The following CRB2 variants were observed in gnomAD, a reference collection of about 807,000 sequenced individuals.
CRB2 encodes the protein protein crumbs homolog 2.
In CRB2, 85 loss-of-function variants were observed where a neutral mutation model predicts 110.9. The observed-to-expected ratio is 0.77, with a 90% CI of 0.64 to 0.92. CRB2 has a LOEUF of 0.92. Among genes scored for constraint, CRB2 ranks in the 40% least tolerant of loss-of-function variants. The pLI, the probability that CRB2 is intolerant of heterozygous loss-of-function variation, is 0.00. For missense variants in CRB2, 1,843 were observed against 1,851.3 expected (o/e 1.00, Z 0.08); for synonymous variants, 907 against 831.0 (o/e 1.09, Z -1.57).
rs550133416 is a variant in CRB2 at position 123,366,439 on chromosome 9, G to T, written c.754+73G>T. The T allele has an allele frequency of 5.8e-4, 849 of 1,463,856 alleles. 3 individuals are homozygous for T. Among genetic ancestry groups the T allele is most frequent in the Non-Finnish European group, 6.1e-4 (687 of 1,122,642 alleles). 90.7% of individuals were successfully genotyped at this position (1,463,856 alleles called of 1,614,324 possible). On this transcript the variant is annotated intron_variant, in intron 4 of 12. Coordinates refer to ENST00000373631, the MANE Select transcript of CRB2 (RefSeq NM_173689.7). ...CGCCTGTGCGGCCTGGGGCGGTGGGGCAGGTGTGTGGCTGCACGCGAGTGC... is the reference window on the plus strand; with the variant it reads ...CGCCTGTGCGGCCTGGGGCGGTGGGTCAGGTGTGTGGCTGCACGCGAGTGC...
At chr9:123,367,379 G>T in intron 5 of CRB2, 22 bp downstream of exon 5, 2 of 1,591,332 alleles carry the variant, frequency 1.3e-6, no homozygotes, top group Non-Finnish European at 1.7e-6. Context: ...CTGGGGAAGC[G>T]GTCAGCCCAT....
intron 9 of CRB2, 128 bp downstream of exon 9, chr9:123,372,470 CG>C (rs2042031163): frequency 4.2e-6 from 5 of 1,198,118 alleles, no homozygotes; most frequent in Non-Finnish European, 5.7e-6. Context: ...GGCAGTGTGG[CG>C]GGGCCACCGC....
rs1588214825 is a variant in CRB2 at position 123,371,219 on chromosome 9, G to A, written c.2077G>A (p.Ala693Thr). ...GTTGCTCCAGTTTGCCAATGACTCC[G>A]CAGCTGGCCTAACAGTATTCCTGAG... ...GLLLQFANDS[A>T]AGLTVFLSEG... is the part of the protein sequence containing the mutation. The change falls in exon 8 of 13, where the codon GCA becomes ACA. Residue 693 changes from alanine to threonine, a missense_variant. Physicochemically the swap from Ala to Thr is moderately conservative, Grantham distance 58. Coordinates refer to ENST00000373631, the MANE Select transcript of CRB2 (RefSeq NM_173689.7). 5.6e-6 allele frequency: 9 copies of A among 1,613,928 alleles called. No individual in the cohort carries two copies. The highest frequency in any genetic ancestry group is 6.8e-6 in the Non-Finnish European group (8 of 1,180,026).
chr9:123,355,545 G>A (rs2041787333), upstream of CRB2, among the ~76,000 whole-genome samples: 1 of 147,120 alleles, frequency 6.8e-6, no homozygotes, highest in South Asian at 2.3e-4. Flanking sequence ...TCCTGAGGCC[G>A]ATGGTGGGAG....
upstream of CRB2, among the ~76,000 whole-genome samples, chr9:123,355,733 G>A (rs1479775377): frequency 2.7e-5 from 4 of 150,374 alleles, no homozygotes; most frequent in Admixed American, 6.6e-5. Flanking sequence ...GCAGGTGGGG[G>A]GACGAGCTGG....
chr9:123,372,049 T>C (rs2042024375), intron 8 of CRB2, 128 bp from the exon 9 acceptor site: 1 of 935,002 alleles, frequency 1.1e-6, no homozygotes, highest in Admixed American at 2.5e-5. Context: ...AGCGACTTCC[T>C]CTCCCCTCGT....
At chr9:123,374,853 C>T (rs551917939) in intron 11 of CRB2, among the ~76,000 whole-genome samples, 158 bp downstream of exon 11, 19 of 152,360 alleles carry the variant, frequency 1.2e-4, no homozygotes, top group Admixed American at 9.8e-4. Context: ...CTCGCAAGAC[C>T]ATCCTCTGTG....
chr9:123,370,264 C>T lies in CRB2; in HGVS notation c.1211C>T (p.Thr404Ile), dbSNP rs2041994442. 8.1e-6 allele frequency: 13 copies of T among 1,613,336 alleles called. No individual in the cohort carries two copies. The highest frequency in any genetic ancestry group is 1.1e-5 in the Non-Finnish European group (13 of 1,180,008). ...SVQLTGCQGH[T>I]CPLAATCIPI... Reference sequence around the variant, plus strand: ...CAGCTCACTGGCTGCCAGGGCCACACCTGCCCGCTGGCTGCCACCTGCATC... The same window carrying T: ...CAGCTCACTGGCTGCCAGGGCCACATCTGCCCGCTGGCTGCCACCTGCATC... Residue 404 changes from threonine (T) to isoleucine (I), a missense_variant, in exon 7 of 13, where the codon ACC becomes ATC. Thr to Ile is a moderately conservative substitution (Grantham distance 89). Transcript: ENST00000373631.
intron 12 of CRB2, among the ~76,000 whole-genome samples, chr9:123,376,500 GC>G (rs539364976): frequency 3.5e-4 from 53 of 152,316 alleles, no homozygotes; most frequent in African/African-American, 1.2e-3. Flanking sequence ...CGCTCAGCCT[GC>G]CCCTGCTCCT....
rs767355361 is a variant in CRB2, at chr9:123,377,052, G to C, written c.3848G>C (p.Arg1283Thr). 1 of 1,579,586 alleles carries C rather than the reference G, an allele frequency of 6.3e-7. No homozygotes were observed. Among genetic ancestry groups the C allele is most frequent in the South Asian group, 1.2e-5 (1 of 85,422 alleles). Reference sequence around the variant, plus strand: ...GTCCTCAAGGTGCCACCGGAGGAGAGACTCATCTAGGCCAGCCTGGCTGCT... The same window carrying C: ...GTCCTCAAGGTGCCACCGGAGGAGACACTCATCTAGGCCAGCCTGGCTGCT... ...DSVLKVPPEE[R>T]LI The change falls in exon 13 of 13, where the codon AGA becomes ACA. Residue 1283 changes from arginine to threonine, a missense_variant. Transcript: ENST00000373631.
intron 1 of CRB2, among the ~76,000 whole-genome samples, chr9:123,357,078 G>T (rs1437231416): frequency 6.6e-6 from 1 of 152,090 alleles, no homozygotes; most frequent in African/African-American, 2.4e-5. Context: ...GGCTGCTGGG[G>T]ATGCTCTGGG....
Position 123,361,132 on chromosome 9 carries a change from C to CGGGGG in CRB2, c.95-1729_95-1728insGGGGG, listed in dbSNP as rs201939429. ...GGGGCAAAGCTTCAGATTGGATGGG[C>CGGGGG]GGGGAGGGGGGGGGGTTCCTTGCAC... On this transcript the variant is annotated intron_variant, in intron 1 of 12. Coordinates refer to ENST00000373631, the MANE Select transcript of CRB2 (RefSeq NM_173689.7). Among the ~76,000 whole-genome samples, 29 of 65,930 alleles carry CGGGGG rather than the reference C, an allele frequency of 4.4e-4. 2 individuals are homozygous for CGGGGG. Among genetic ancestry groups the CGGGGG allele is most frequent in the African/African-American group, 8.9e-4 (20 of 22,570 alleles). 43.3% of individuals were successfully genotyped at this position (65,930 alleles called of 152,430 possible).
chr9:123,368,379 C>T (rs959504314), intron 6 of CRB2, among the ~76,000 whole-genome samples: 8 of 152,196 alleles, frequency 5.3e-5, no homozygotes, highest in African/African-American at 1.7e-4. Context: ...CCTGGGGGTC[C>T]CGAAGGCCCA....
In CRB2 at chr9:123,356,266, G is replaced by A. The variant is rs952304207; in HGVS notation, c.6G>A (p.Ala2=). 33 of 1,520,164 alleles carry A rather than the reference G, an allele frequency of 2.2e-5. No individual in the cohort carries two copies. Among genetic ancestry groups the A allele is most frequent in the East Asian group, 5.0e-5 (2 of 40,112 alleles). 94.2% of individuals were successfully genotyped at this position (1,520,164 alleles called of 1,614,324 possible). A position where few individuals can be genotyped will look rare whatever the true frequency, so the allele number is the denominator to read the frequency against. The change falls in exon 1 of 13, where the codon GCG becomes GCA. Residue 2 remains alanine, a synonymous_variant. Coordinates refer to ENST00000373631, the MANE Select transcript of CRB2 (RefSeq NM_173689.7). M[A]LARPGTPDPQ... ...AGAGCGCAGAGCGGGCTGCCATGGC[G>A]CTGGCCAGGCCTGGGACCCCGGACC...
rs1051989903 is a variant in CRB2, at chr9:123,373,405, C to T, written c.2874C>T (p.Arg958=). ...GCGTGGCCGATGGTGCCTGGCACCGCGTGCGTCTGGCCATGGAGCGCCCGG... is the reference window on the plus strand; with the variant it reads ...GCGTGGCCGATGGTGCCTGGCACCGTGTGCGTCTGGCCATGGAGCGCCCGG... ...GPRVADGAWH[R]VRLAMERPAA... Residue 958 remains arginine, a synonymous_variant, in exon 10 of 13, where the codon CGC becomes CGT. Coordinates refer to ENST00000373631, the MANE Select transcript of CRB2 (RefSeq NM_173689.7). 4 of 1,443,120 alleles carry T rather than the reference C, an allele frequency of 2.8e-6. No individual in the cohort carries two copies. Among genetic ancestry groups the T allele is most frequent in the Non-Finnish European group, 2.7e-6 (3 of 1,103,524 alleles). 89.4% of individuals were successfully genotyped at this position (1,443,120 alleles called of 1,614,324 possible).
downstream of CRB2, among the ~76,000 whole-genome samples, chr9:123,378,978 G>A (rs989496098): frequency 6.6e-6 from 1 of 151,162 alleles, no homozygotes. Flanking sequence ...TAGTAGAGAC[G>A]GGGCTTCACC....
At chr9:123,366,186 G>A in intron 3 of CRB2, 41 bp from the exon 4 acceptor site, 1 of 1,384,364 alleles carries the variant, frequency 7.2e-7, no homozygotes, top group Non-Finnish European at 9.3e-7. Flanking sequence ...GGGGCAGAAG[G>A]GGCAGGCGCG....
At chr9:123,355,171 G>C (rs550934954), upstream of CRB2, among the ~76,000 whole-genome samples, 3 of 152,340 alleles carry the variant, frequency 2.0e-5, no homozygotes, top group African/African-American at 7.2e-5. Context: ...CTATGTTGTA[G>C]TGTCTCTGAG....
chr9:123,355,897 G>A (rs2041791766), upstream of CRB2, among the ~76,000 whole-genome samples: 1 of 151,964 alleles, frequency 6.6e-6, no homozygotes, highest in South Asian at 2.1e-4. Context: ...GGCATCACCT[G>A]GTGAGACGAG....
Sources: allele counts gnomAD v4.1 joint callset (sites outside exome capture counted in the v4.1 genomes callset), GRCh38; gene constraint gnomAD v4.1.1; transcripts MANE v1.5; gene names NCBI Gene and HGNC (gene_info 2026-07-23, HGNC 2026-07-21).